Variants in SEMA3D observed in about 807,000 individuals in gnomAD.
The protein encoded by SEMA3D is semaphorin 3D, also known as semaphorin-3D.
SEMA3D carries 84 observed loss-of-function variants against 100.1 expected under a neutral mutation model. That is an observed-to-expected ratio of 0.84 (90% CI 0.70 to 1.01). The LOEUF (loss-of-function observed/expected upper bound fraction) is 1.01, where lower values mean the gene tolerates loss of function less well. Among genes scored for constraint, SEMA3D ranks in the 50% least tolerant of loss-of-function variants. SEMA3D has a pLI of 0.00. For synonymous variants in SEMA3D, 312 were observed against 320.7 expected (o/e 0.97, Z 0.29); for missense variants, 875 against 934.1 (o/e 0.94, Z 0.82).
intron 8 of SEMA3D, among the ~76,000 whole-genome samples, chr7:85,058,695 A>T (rs967226435): frequency 6.7e-6 from 1 of 148,520 alleles, no homozygotes; most frequent in Non-Finnish European, 1.5e-5. Flanking sequence ...TTGCAGTGAG[A>T]CAAGATTGTG....
intron 2 of SEMA3D, among the ~76,000 whole-genome samples, chr7:85,137,520 C>T (rs1314619650): frequency 6.6e-6 from 1 of 151,892 alleles, no homozygotes; most frequent in Non-Finnish European, 1.5e-5. Context: ...CTATTTTTTA[C>T]CTACGATTAA....
At chr7:85,244,348 C>A in the SEMA3D span, among the ~76,000 whole-genome samples, 1 of 152,166 alleles carries the variant, frequency 6.6e-6, no homozygotes. Flanking sequence ...GTACCCTCAT[C>A]ATCTAAACAT....
chr7:85,034,967 G>T (rs1790651844), intron 12 of SEMA3D, among the ~76,000 whole-genome samples: 1 of 151,878 alleles, frequency 6.6e-6, no homozygotes, highest in Non-Finnish European at 1.5e-5. Context: ...CCTACTTCAG[G>T]ATATTTATCT....
Position 84,999,584 on chromosome 7 carries a change from G to A in SEMA3D, c.2190C>T (p.Tyr730=). 1 of 1,614,114 alleles carries A rather than the reference G, an allele frequency of 6.2e-7. No individual in the cohort carries two copies. Among genetic ancestry groups the A allele is most frequent in the Non-Finnish European group, 8.5e-7 (1 of 1,180,024 alleles). Residue 730 remains tyrosine (Y), a synonymous_variant, in exon 19 of 19, where the codon TAC becomes TAT. Transcript: ENST00000284136. ...LSSPNFSLDQ[Y]CEQMWHREKR... ...TCTCCCTGTGCCACATCTGTTCGCA[G>A]TACTGGTCGAGGCTGAAGTTTGGGC...
chr7:85,224,655 T>A, the SEMA3D span, among the ~76,000 whole-genome samples: 1 of 152,166 alleles, frequency 6.6e-6, no homozygotes, highest in South Asian at 2.1e-4. Context: ...AGGCTCATCT[T>A]TTTGTTTTGA....
At chr7:85,187,159 G>T (rs947748831), upstream of SEMA3D, among the ~76,000 whole-genome samples, 1 of 151,936 alleles carries the variant, frequency 6.6e-6, no homozygotes, top group Non-Finnish European at 1.5e-5. Context: ...ACTCCCAAGC[G>T]TGCAGAAGTT....
chr7:85,098,530 G>A (rs185718145), intron 3 of SEMA3D, among the ~76,000 whole-genome samples: 120 of 151,138 alleles, frequency 7.9e-4, no homozygotes, highest in Non-Finnish European at 1.5e-3. Context: ...CACTTTTTTT[G>A]GAGCGGTTTT....
Position 85,022,606 on chromosome 7 carries a change from C to T in SEMA3D, c.1199G>A (p.Ser400Asn), listed in dbSNP as rs368501921. 3.7e-6 allele frequency: 6 copies of T among 1,607,994 alleles called. No individual in the cohort carries two copies. The highest frequency in any genetic ancestry group is 2.2e-5 in the East Asian group (1 of 44,794). Reference protein sequence around the residue: ...IPYPRPGTCPSKTYDPLIKST... With the variant: ...IPYPRPGTCPNKTYDPLIKST... The stretch of plus-strand genomic sequence containing the variant: ...CTTAATCAGTGGGTCATAGGTTTTG[C>T]TTGGACACTGAAAATAAATGTGGAG... The change falls in exon 13 of 19, where the codon AGC becomes AAC. Residue 400 changes from serine (S) to asparagine (N), a missense_variant. Ser to Asn is a conservative substitution (Grantham distance 46). Transcript: ENST00000284136.
upstream of SEMA3D, among the ~76,000 whole-genome samples, chr7:85,188,764 C>G (rs554261639): frequency 6.6e-6 from 1 of 152,140 alleles, no homozygotes; most frequent in African/African-American, 2.4e-5. Flanking sequence ...GCTTAATATG[C>G]TTAAACCAAA....
At chr7:85,009,098 G>C (rs1227887768) in intron 17 of SEMA3D, among the ~76,000 whole-genome samples, 1 of 151,540 alleles carries the variant, frequency 6.6e-6, no homozygotes, top group African/African-American at 2.4e-5. Flanking sequence ...TTTTAAATGT[G>C]TAAAAGTTAT....
At chr7:85,158,346 C>T (rs1338857828) in intron 1 of SEMA3D, among the ~76,000 whole-genome samples, 1 of 152,062 alleles carries the variant, frequency 6.6e-6, no homozygotes, top group Non-Finnish European at 1.5e-5. Context: ...GGGGAGGCCT[C>T]GAAAATGGCC....
At chr7:85,074,675 G>T (rs1209316875) in intron 5 of SEMA3D, among the ~76,000 whole-genome samples, 2 of 151,310 alleles carry the variant, frequency 1.3e-5, no homozygotes, top group Non-Finnish European at 2.9e-5. Flanking sequence ...CTGGAGTAGT[G>T]GTGCGATCTT....
At chr7:85,123,050 ATTAT>A (rs1789472429) in intron 2 of SEMA3D, among the ~76,000 whole-genome samples, 2 of 152,290 alleles carry the variant, frequency 1.3e-5, no homozygotes, top group South Asian at 2.1e-4. Flanking sequence ...AGGGTGGGTA[ATTAT>A]TTATCTCACT....
At chr7:85,080,391 A>G (rs1788018652) in intron 5 of SEMA3D, among the ~76,000 whole-genome samples, 1 of 152,154 alleles carries the variant, frequency 6.6e-6, no homozygotes, top group Non-Finnish European at 1.5e-5. Context: ...TAGGCATTAT[A>G]TGTCATATTT....
Position 85,020,311 on chromosome 7 carries a change from A to G in SEMA3D, c.1425T>C (p.Thr475=). The change falls in exon 14 of 19, where the codon ACT becomes ACC. Residue 475 remains threonine (T), a synonymous_variant. Transcript: ENST00000284136. The part of the protein sequence containing the change: ...DVMFLGTDIG[T]VLKVVSISKE... ...TTGAAATGCTGACAACTTTGAGGAC[A>G]GTTCCAATGTCTGAAAAAATGCATA... 1.2e-6 allele frequency: 2 copies of G among 1,608,992 alleles called. No homozygotes were observed. The highest frequency in any genetic ancestry group is 1.7e-6 in the Non-Finnish European group (2 of 1,176,528).
intron 1 of SEMA3D, among the ~76,000 whole-genome samples, chr7:85,157,011 T>C (rs1170404224): frequency 6.6e-6 from 1 of 152,170 alleles, no homozygotes; most frequent in Non-Finnish European, 1.5e-5. Context: ...CTACTCTTTA[T>C]AAAGATAAAC....
chr7:85,075,201 C>CAATT (rs1289085635), intron 5 of SEMA3D, among the ~76,000 whole-genome samples: 2 of 151,942 alleles, frequency 1.3e-5, no homozygotes, highest in African/African-American at 2.4e-5. Flanking sequence ...GACTCACCAC[C>CAATT]AATTAGTTCA....
At position 85,012,821 on chromosome 7, in the gene SEMA3D, AT is replaced by A; in HGVS notation, c.1728del (p.Lys576AsnfsTer25). On this transcript the variant is annotated frameshift_variant, in exon 17 of 19. Transcript: ENST00000284136. LOFTEE classifies it high-confidence loss of function. Reference protein sequence around the residue: ...SKRRARRQDVKYGDPITQCWD... With the variant: ...SKRRARRQDVXYGDPITQCWD... ...CAGCACTGGGTGATTGGGTCGCCAT[AT>A]TTTACATCTTGGCGTCTAGCTCTCC... is the stretch of plus-strand genomic sequence containing the variant. 1 of 1,610,652 alleles carries A rather than the reference AT, an allele frequency of 6.2e-7. No homozygotes were observed. Among genetic ancestry groups the A allele is most frequent in the East Asian group, 2.2e-5 (1 of 44,752 alleles).
At chr7:85,146,941 G>A (rs1790222116) in intron 2 of SEMA3D, among the ~76,000 whole-genome samples, 1 of 152,000 alleles carries the variant, frequency 6.6e-6, no homozygotes, top group South Asian at 2.1e-4. Flanking sequence ...ACAGCAATTA[G>A]GAGGAAGTAA....
Sources: gnomAD v4.1 joint callset for allele counts (sites outside exome capture counted in the v4.1 genomes callset) on GRCh38, gnomAD v4.1.1 for gene constraint, MANE v1.5 for transcripts, NCBI Gene and HGNC (gene_info 2026-07-23, HGNC 2026-07-21) for gene names.